The following VTCN1 variants were observed in gnomAD, a reference collection of about 807,000 sequenced individuals.
VTCN1 encodes V-set domain-containing T-cell activation inhibitor 1.
VTCN1 carries 26 observed loss-of-function variants against 26.5 expected under a neutral mutation model. The observed-to-expected ratio is 0.98, with a 90% CI of 0.72 to 1.36. The LOEUF (loss-of-function observed/expected upper bound fraction) is 1.36, where lower values mean the gene tolerates loss of function less well. Among genes scored for constraint, VTCN1 ranks in the 40% most tolerant of loss-of-function variants. The pLI, the probability that VTCN1 is intolerant of heterozygous loss-of-function variation, is 0.00. For synonymous variants in VTCN1, 116 were observed against 130.7 expected (o/e 0.89, Z 0.77); for missense variants, 298 against 337.7 (o/e 0.88, Z 0.92).
At chr1:117,174,338 G>A (rs1019130738) in intron 1 of VTCN1, among the ~76,000 whole-genome samples, 1 of 152,202 alleles carries the variant, frequency 6.6e-6, no homozygotes. Flanking sequence ...AAGACATAGT[G>A]CTAGTCAATA....
chr1:117,203,081 A>T (rs917767924), intron 1 of VTCN1, among the ~76,000 whole-genome samples: 1 of 152,134 alleles, frequency 6.6e-6, no homozygotes, highest in African/African-American at 2.4e-5. Flanking sequence ...CTGACCTTTG[A>T]TAGGAGCTCA....
At chr1:117,189,233 C>T (rs1423766807) in intron 1 of VTCN1, among the ~76,000 whole-genome samples, 2 of 152,188 alleles carry the variant, frequency 1.3e-5, no homozygotes, top group Non-Finnish European at 2.9e-5. Context: ...CGTCTCTTCT[C>T]CCTCTGTGCC....
At position 117,183,848 on chromosome 1, in the gene VTCN1, A is replaced by T. The variant is rs1647791827; in HGVS notation, c.33-13677T>A. Among the ~76,000 whole-genome samples the T allele has an allele frequency of 6.6e-6, 1 of 152,224 alleles. No individual in the cohort carries two copies. The highest frequency in any genetic ancestry group is 1.5e-5 in the Non-Finnish European group (1 of 68,034). ...TTTGGGTACTTCATTTTTGCCAGCA[A>T]GAAAAATGAGGGAGATTTGCAGAGG... On this transcript the variant is annotated intron_variant, in intron 1 of 5. Coordinates refer to ENST00000369458, the MANE Select transcript of VTCN1 (RefSeq NM_024626.4). This position sits in a 1 kb window ranked among gnomAD's most constrained non-coding sequence, Gnocchi z 4.1.
rs983840577 is a variant in VTCN1 at position 117,159,040 on chromosome 1, C to A, written c.98-2119G>T. Among the ~76,000 whole-genome samples the A allele has an allele frequency of 6.6e-5, 10 of 152,286 alleles. 1 individual carries two copies. The East Asian group carries it at 1.5e-3, about 24-fold the overall frequency. On this transcript the variant is annotated intron_variant, in intron 2 of 5. Transcript: ENST00000369458. This position sits in a 1 kb window ranked among gnomAD's most constrained non-coding sequence, Gnocchi z 4.7. Reference sequence around the variant, plus strand: ...ATCACTATAAGGCTTTTGGTCAAAGCCATTCAACAAGTCTCTAGGAAGTTT... The same window carrying A: ...ATCACTATAAGGCTTTTGGTCAAAGACATTCAACAAGTCTCTAGGAAGTTT...
intron 1 of VTCN1, among the ~76,000 whole-genome samples, chr1:117,171,192 T>C (rs1262891907): frequency 1.3e-5 from 2 of 152,240 alleles, no homozygotes; most frequent in African/African-American, 2.4e-5. Context: ...CTCATTCTTT[T>C]TTATGGCTGC....
intron 1 of VTCN1, among the ~76,000 whole-genome samples, chr1:117,194,062 A>G (rs1648388465): frequency 6.6e-6 from 1 of 152,194 alleles, no homozygotes; most frequent in Non-Finnish European, 1.5e-5. Context: ...GAAGAAAACA[A>G]TCAACAAAAT....
chr1:117,147,815 C>G lies in VTCN1; in HGVS notation c.725-33G>C. The G allele has an allele frequency of 6.2e-7, 1 of 1,604,912 alleles. No homozygotes were observed. The highest frequency in any genetic ancestry group is 8.5e-7 in the Non-Finnish European group (1 of 1,176,670). Reference sequence around the variant, plus strand: ...GTGAGAGAAAAAGTTTAGGGTCATACAGGAGAAGCTGGATGTCTTCTTCAC... The same window carrying G: ...GTGAGAGAAAAAGTTTAGGGTCATAGAGGAGAAGCTGGATGTCTTCTTCAC... On this transcript the variant is annotated intron_variant, in intron 4 of 5. Coordinates refer to ENST00000369458, the MANE Select transcript of VTCN1 (RefSeq NM_024626.4). This position sits in a 1 kb window ranked among gnomAD's most constrained non-coding sequence, Gnocchi z 4.6.
chr1:117,159,819 C>CT lies in VTCN1; in HGVS notation c.98-2899dup, dbSNP rs1652273070. 6.6e-6 allele frequency among the ~76,000 whole-genome samples: 1 copy of CT among 152,212 alleles called. No homozygotes were observed. The highest frequency in any genetic ancestry group is 2.1e-4 in the South Asian group (1 of 4,826). On this transcript the variant is annotated intron_variant, in intron 2 of 5. Transcript: ENST00000369458. The surrounding 1 kb of genome is among the most constrained non-coding windows in gnomAD (Gnocchi z 4.7). ...GATTTGATCAAGTTTACAGTGCTAG[C>CT]TATAGCATAATGAAGAACTGTATTT... is the stretch of plus-strand genomic sequence containing the variant.
At chr1:117,201,145 C>T (rs891655449) in intron 1 of VTCN1, among the ~76,000 whole-genome samples, 1 of 152,110 alleles carries the variant, frequency 6.6e-6, no homozygotes, top group Non-Finnish European at 1.5e-5. Flanking sequence ...AAATGCACAA[C>T]TACAATATAG....
At chr1:117,185,353 C>T (rs1647882462) in intron 1 of VTCN1, among the ~76,000 whole-genome samples, 1 of 152,164 alleles carries the variant, frequency 6.6e-6, no homozygotes, top group South Asian at 2.1e-4. Context: ...TGGAAGCCAA[C>T]CACATTCCAC....
chr1:117,173,153 C>T (rs748832849), intron 1 of VTCN1: 33 of 715,136 alleles, frequency 4.6e-5, no homozygotes, highest in African/African-American at 2.8e-4. Flanking sequence ...CAAACAACTC[C>T]GGACGCGCCA....
intron 2 of VTCN1, among the ~76,000 whole-genome samples, chr1:117,158,979 A>C (rs964836877): frequency 6.6e-6 from 1 of 152,176 alleles, no homozygotes; most frequent in Non-Finnish European, 1.5e-5. Context: ...CCTCATCTCC[A>C]TCTGAGACCA....
chr1:117,159,906 T>C lies in VTCN1; in HGVS notation c.98-2985A>G, dbSNP rs774708458. 4.6e-5 allele frequency among the ~76,000 whole-genome samples: 7 copies of C among 152,324 alleles called. No individual in the cohort carries two copies. Among genetic ancestry groups the C allele is most frequent in the Non-Finnish European group, 8.8e-5 (6 of 68,026 alleles). On this transcript the variant is annotated intron_variant, in intron 2 of 5. Coordinates refer to ENST00000369458, the MANE Select transcript of VTCN1 (RefSeq NM_024626.4). This position sits in a 1 kb window ranked among gnomAD's most constrained non-coding sequence, Gnocchi z 4.7. The stretch of plus-strand genomic sequence containing the variant: ...CTCTCCTCTACTGACATACCACCAG[T>C]AGAAATATTAATTATGTGCCAGCTG...
intron 1 of VTCN1, among the ~76,000 whole-genome samples, chr1:117,189,350 G>A (rs12030415): frequency 0.38 from 57,582 of 151,968 alleles, 13,142 homozygotes; most frequent in African/African-American, 0.65. Context: ...CATTGAACTC[G>A]TAATTGTGAG....
At chr1:117,185,904 T>C (rs764199034) in intron 1 of VTCN1, among the ~76,000 whole-genome samples, 5 of 152,236 alleles carry the variant, frequency 3.3e-5, no homozygotes, top group African/African-American at 4.8e-5. Context: ...TGATGTCTTA[T>C]GTCTTCCTAA....
rs1005964767 is a variant in VTCN1 at position 117,155,652 on chromosome 1, A to G, written c.445+922T>C. 6.6e-6 allele frequency among the ~76,000 whole-genome samples: 1 copy of G among 152,160 alleles called. No homozygotes were observed. The highest frequency in any genetic ancestry group is 6.5e-5 in the Admixed American group (1 of 15,276). ...TCAGAGAGATTGCTTTGCCCAGGCC[A>G]CTGTACTTACACAGGTCTGATTCTA... On this transcript the variant is annotated intron_variant, in intron 3 of 5. Coordinates refer to ENST00000369458, the MANE Select transcript of VTCN1 (RefSeq NM_024626.4). This position sits in a 1 kb window ranked among gnomAD's most constrained non-coding sequence, Gnocchi z 4.8.
At chr1:117,173,770 C>T (rs187331875) in intron 1 of VTCN1, among the ~76,000 whole-genome samples, 4 of 152,286 alleles carry the variant, frequency 2.6e-5, no homozygotes, top group South Asian at 4.1e-4. Flanking sequence ...GTGACTTTTA[C>T]GGGAGGGGAC....
chr1:117,203,428 T>C (rs143740392), intron 1 of VTCN1, among the ~76,000 whole-genome samples: 2,011 of 152,262 alleles, frequency 0.013, 49 homozygotes, highest in African/African-American at 0.046. Flanking sequence ...TTTTTATCTA[T>C]GAAATTTTTC....
At chr1:117,204,662 G>A (rs181714632) in intron 1 of VTCN1, among the ~76,000 whole-genome samples, 4 of 151,874 alleles carry the variant, frequency 2.6e-5, no homozygotes, top group African/African-American at 9.7e-5. Context: ...GTCAGGAGAT[G>A]GAGACCATCC....
Sources: allele counts gnomAD v4.1 joint callset (sites outside exome capture counted in the v4.1 genomes callset), GRCh38; gene constraint gnomAD v4.1.1; non-coding constraint Gnocchi (gnomAD v3.1); transcripts MANE v1.5; gene names NCBI Gene and HGNC (gene_info 2026-07-23, HGNC 2026-07-21).